Variants in SEZ6L observed in about 807,000 individuals in gnomAD.
SEZ6L encodes seizure 6-like protein.
SEZ6L carries 37 observed loss-of-function variants against 106.2 expected under a neutral mutation model. The observed-to-expected ratio is 0.35, with a 90% CI of 0.27 to 0.46. The LOEUF is 0.46. SEZ6L is among the 20% of genes least tolerant of loss of function. SEZ6L has a pLI of 1.00. For synonymous variants in SEZ6L, 541 were observed against 570.4 expected, an observed-to-expected ratio of 0.95 and a Z score of 0.73; for missense variants, 1,172 against 1,332.8, an observed-to-expected ratio of 0.88 and a Z score of 1.88.
intron 5 of SEZ6L, 98 bp from the exon 6 acceptor site, chr22:26,305,881 C>T: frequency 7.8e-7 from 1 of 1,286,386 alleles, no homozygotes; most frequent in Middle Eastern, 2.8e-4. Flanking sequence ...ATGAAACACT[C>T]ACTTCCTTCT....
At chr22:26,185,400 C>A (rs927218315) in intron 1 of SEZ6L, among the ~76,000 whole-genome samples, 2 of 152,164 alleles carry the variant, frequency 1.3e-5, no homozygotes, top group African/African-American at 4.8e-5. Context: ...ACCTTGGGCC[C>A]ATTTCTGTCC....
At chr22:26,191,967 A>C (rs904753662) in intron 1 of SEZ6L, among the ~76,000 whole-genome samples, 35 of 147,838 alleles carry the variant, frequency 2.4e-4, no homozygotes, top group Non-Finnish European at 1.2e-4. Context: ...AATGATATTA[A>C]GCAAGTCACT....
chr22:26,321,098 CT>C (rs1484841303), intron 9 of SEZ6L, among the ~76,000 whole-genome samples: 1 of 152,218 alleles, frequency 6.6e-6, no homozygotes, highest in Non-Finnish European at 1.5e-5. Context: ...CAGCTCCCTT[CT>C]TAATTGTCCA....
chr22:26,354,207 ATGTGG>A (rs1325104015), intron 12 of SEZ6L, among the ~76,000 whole-genome samples: 3 of 152,190 alleles, frequency 2.0e-5, no homozygotes. Flanking sequence ...ATCTTTGCAG[ATGTGG>A]TCAAGTTAAG....
intron 9 of SEZ6L, among the ~76,000 whole-genome samples, chr22:26,334,766 G>A (rs1051232106): frequency 1.3e-5 from 2 of 152,192 alleles, no homozygotes; most frequent in African/African-American, 4.8e-5. Context: ...CTTTGTGCCT[G>A]TGGAAAGCCT....
intron 1 of SEZ6L, among the ~76,000 whole-genome samples, chr22:26,288,780 G>T (rs1224770153): frequency 2.0e-5 from 3 of 152,182 alleles, no homozygotes; most frequent in African/African-American, 7.2e-5. Context: ...AAGGTGAATT[G>T]ATGTGCTTTT....
At chr22:26,190,593 G>A (rs1456794267) in intron 1 of SEZ6L, among the ~76,000 whole-genome samples, 1 of 152,170 alleles carries the variant, frequency 6.6e-6, no homozygotes, top group Non-Finnish European at 1.5e-5. Flanking sequence ...TCACAGGGTT[G>A]TGGAGGAGAT....
At chr22:26,367,357 G>T (rs2083853623) in intron 13 of SEZ6L, among the ~76,000 whole-genome samples, 2 of 151,744 alleles carry the variant, frequency 1.3e-5, no homozygotes, top group Non-Finnish European at 2.9e-5. Context: ...TTGTTTGTTT[G>T]TTTGGAGACA....
chr22:26,373,024 T>C (rs1012222223), intron 13 of SEZ6L, among the ~76,000 whole-genome samples: 3 of 152,164 alleles, frequency 2.0e-5, no homozygotes, highest in African/African-American at 7.2e-5. Flanking sequence ...CAGACTGAAA[T>C]CCTGCCTCCA....
At chr22:26,286,524 C>G (rs1003779724) in intron 1 of SEZ6L, among the ~76,000 whole-genome samples, 1 of 152,194 alleles carries the variant, frequency 6.6e-6, no homozygotes, top group Non-Finnish European at 1.5e-5. Context: ...TGTTTTACTT[C>G]GTTGCTTCTA....
chr22:26,216,549 A>G (rs997420777), intron 1 of SEZ6L, among the ~76,000 whole-genome samples: 1 of 152,168 alleles, frequency 6.6e-6, no homozygotes, highest in African/African-American at 2.4e-5. Context: ...CCAGTTAATC[A>G]GGAGGCTGAA....
intron 1 of SEZ6L, among the ~76,000 whole-genome samples, chr22:26,236,095 A>G (rs940248733): frequency 4.6e-5 from 7 of 152,126 alleles, no homozygotes; most frequent in Admixed American, 1.3e-4. Context: ...GTGCCCACAA[A>G]AGCCTCCTTC....
chr22:26,311,995 C>A (rs775152339), intron 8 of SEZ6L, 33 bp downstream of exon 8: 1 of 1,593,824 alleles, frequency 6.3e-7, no homozygotes, highest in South Asian at 1.1e-5. Context: ...TCCCACGGCA[C>A]CCCAGGGATC....
chr22:26,298,875 A>AG (rs2081372619), intron 4 of SEZ6L, 109 bp from the exon 5 acceptor site: 1 of 1,000,146 alleles, frequency 1.0e-6, no homozygotes, highest in Non-Finnish European at 1.4e-6. Context: ...TGGAGTCCCC[A>AG]GGGGCCTCAT....
chr22:26,284,630 A>AAC (rs2080877800), intron 1 of SEZ6L, among the ~76,000 whole-genome samples: 1 of 147,208 alleles, frequency 6.8e-6, no homozygotes, highest in Non-Finnish European at 1.5e-5. Context: ...AAAAAAAAAA[A>AAC]AACCCTAATG....
chr22:26,205,837 T>C (rs1474058219), intron 1 of SEZ6L, among the ~76,000 whole-genome samples: 1 of 152,154 alleles, frequency 6.6e-6, no homozygotes, highest in African/African-American at 2.4e-5. Flanking sequence ...TTCAAGCATT[T>C]CCCAGTGACT....
chr22:26,289,020 C>G (rs1356471752), intron 1 of SEZ6L, among the ~76,000 whole-genome samples: 1 of 152,218 alleles, frequency 6.6e-6, no homozygotes, highest in African/African-American at 2.4e-5. Flanking sequence ...ATTCCCTGGT[C>G]ATTTCAAAAA....
intron 15 of SEZ6L, 50 bp from the exon 16 acceptor site, chr22:26,377,623 G>A (rs2146089068): frequency 6.9e-7 from 1 of 1,450,346 alleles, no homozygotes. Flanking sequence ...ATATTGTAAT[G>A]TTTCTCCTAG....
Position 26,340,476 on chromosome 22 carries a change from G to A in SEZ6L, c.2056G>A (p.Gly686Ser), listed in dbSNP as rs773150235. ...SNSDILTIYD[G>S]DEVMPHILGQ... ...CAGTGACATCTTGACCATCTACGAT[G>A]GCGACGAGGTCATGCCCCACATCTT... is the stretch of plus-strand genomic sequence containing the variant. Residue 686 changes from glycine to serine, a missense_variant, in exon 10 of 17, where the codon GGC becomes AGC. Gly to Ser is a moderately conservative substitution (Grantham distance 56). Transcript: ENST00000248933. 5.3e-5 allele frequency: 85 copies of A among 1,613,902 alleles called. No homozygotes were observed. The highest frequency in any genetic ancestry group is 5.1e-5 in the Non-Finnish European group (60 of 1,179,986).
Sources: allele counts gnomAD v4.1 joint callset (sites outside exome capture counted in the v4.1 genomes callset), GRCh38; gene constraint gnomAD v4.1.1; transcripts MANE v1.5; gene names NCBI Gene and HGNC (gene_info 2026-07-23, HGNC 2026-07-21).